CNTNAP5: variants seen among roughly 807,000 people sequenced by gnomAD.
CNTNAP5 encodes the protein contactin associated protein family member 5, also known as contactin-associated protein-like 5.
A neutral mutation model predicts 150.2 loss-of-function variants in CNTNAP5; 72 were observed. The ratio of observed to expected loss-of-function variants is 0.48; its 90% CI spans 0.40 to 0.58. CNTNAP5 has a LOEUF of 0.58. CNTNAP5 is among the 20% of genes least tolerant of loss of function. CNTNAP5 has a pLI of 0.00. For missense variants in CNTNAP5, 1,636 were observed against 1,626.2 expected (o/e 1.01, Z -0.10); for synonymous variants, 672 against 619.8 (o/e 1.08, Z -1.25).
chr2:124,601,343 G>A (rs1399467680), intron 11 of CNTNAP5, among the ~76,000 whole-genome samples: 1 of 152,120 alleles, frequency 6.6e-6, no homozygotes, highest in Admixed American at 6.6e-5. Context: ...ACACTAACGT[G>A]AGCATTTCTC....
At chr2:124,444,295 T>A (rs1309273811) in intron 5 of CNTNAP5, among the ~76,000 whole-genome samples, 12 of 152,064 alleles carry the variant, frequency 7.9e-5, no homozygotes, top group Non-Finnish European at 1.3e-4. Context: ...AAATAACCTT[T>A]CTTAAAAGTA....
chr2:124,370,875 A>G (rs547091729), intron 3 of CNTNAP5, among the ~76,000 whole-genome samples: 2 of 152,284 alleles, frequency 1.3e-5, no homozygotes, highest in East Asian at 3.9e-4. Flanking sequence ...GTGACACAAG[A>G]GTTGTCAGAA....
chr2:124,189,898 C>T (rs1490673178), intron 1 of CNTNAP5, among the ~76,000 whole-genome samples: 4 of 152,168 alleles, frequency 2.6e-5, no homozygotes, highest in Non-Finnish European at 4.4e-5. Context: ...GATGGTACTG[C>T]GGAGCAGAGC....
intron 19 of CNTNAP5, among the ~76,000 whole-genome samples, chr2:124,845,041 T>A (rs1683019838): frequency 6.6e-6 from 1 of 152,160 alleles, no homozygotes; most frequent in Admixed American, 6.6e-5. Flanking sequence ...AAAGTGGGCA[T>A]CCTTGTCTTG....
At chr2:124,352,979 G>GA (rs1023625965) in intron 3 of CNTNAP5, among the ~76,000 whole-genome samples, 1 of 152,138 alleles carries the variant, frequency 6.6e-6, no homozygotes, top group African/African-American at 2.4e-5. Flanking sequence ...CAGAACTAGA[G>GA]AAAGATGCAC....
intron 4 of CNTNAP5, among the ~76,000 whole-genome samples, chr2:124,424,146 A>G (rs1692186633): frequency 6.6e-6 from 1 of 152,174 alleles, no homozygotes; most frequent in Non-Finnish European, 1.5e-5. Context: ...CATCACTCTC[A>G]GAGCTGAAGT....
At position 124,796,743 on chromosome 2, in the gene CNTNAP5, A is replaced by G. The variant is rs1186993985; in HGVS notation, c.2993-1353A>G. On this transcript the variant is annotated intron_variant, in intron 18 of 23. Transcript: ENST00000682447. ...ACTCAATCAGAGACTTTCATGGGGA[A>G]TTTGGAACATTCCATATGCCATTTA... 2.0e-5 allele frequency among the ~76,000 whole-genome samples: 3 copies of G among 152,222 alleles called. 1 individual carries two copies. Among genetic ancestry groups the G allele is most frequent in the South Asian group, 4.1e-4 (2 of 4,826 alleles).
At chr2:124,129,865 G>A (rs1440761562) in intron 1 of CNTNAP5, among the ~76,000 whole-genome samples, 1 of 152,150 alleles carries the variant, frequency 6.6e-6, no homozygotes, top group Non-Finnish European at 1.5e-5. Flanking sequence ...CAGCTGACCT[G>A]TGTTGCATTC....
intron 1 of CNTNAP5, among the ~76,000 whole-genome samples, chr2:124,042,301 A>G (rs569797339): frequency 6.6e-6 from 1 of 152,262 alleles, no homozygotes; most frequent in African/African-American, 2.4e-5. Flanking sequence ...ATTATTTCAC[A>G]CCTTTTCCCA....
At chr2:124,254,744 T>C (rs779995) in intron 3 of CNTNAP5, among the ~76,000 whole-genome samples, 51,019 of 152,058 alleles carry the variant, frequency 0.34, 8,942 homozygotes, top group Admixed American at 0.42. Context: ...AGGAACCATT[T>C]GTCAACATCT....
Position 124,504,491 on chromosome 2 carries a change from TG to T in CNTNAP5, c.1264del (p.Glu422ArgfsTer5). 1 of 1,613,722 alleles carries T rather than the reference TG, an allele frequency of 6.2e-7. No individual in the cohort carries two copies. Among genetic ancestry groups the T allele is most frequent in the Non-Finnish European group, 8.5e-7 (1 of 1,179,758 alleles). ...SEGSGTLLLS[L>X]EGGILRLVIQ... is the part of the protein sequence containing the mutation. ...GGCTCGGGAACCCTGCTGCTGAGCCTGGAGGGTGGAATCCTGAGACTCGTGA... is the reference window on the plus strand; with the variant it reads ...GGCTCGGGAACCCTGCTGCTGAGCCTGAGGGTGGAATCCTGAGACTCGTGA... On this transcript the variant is annotated frameshift_variant, in exon 8 of 24. Transcript: ENST00000682447. LOFTEE classifies it high-confidence loss of function.
At chr2:124,333,245 G>A (rs1451023828) in intron 3 of CNTNAP5, among the ~76,000 whole-genome samples, 1 of 151,806 alleles carries the variant, frequency 6.6e-6, no homozygotes, top group Admixed American at 6.6e-5. Context: ...CTCCAACCTC[G>A]GCAACAAAGC....
chr2:124,882,297 C>G (rs1345907284), intron 21 of CNTNAP5, among the ~76,000 whole-genome samples: 1 of 152,068 alleles, frequency 6.6e-6, no homozygotes, highest in African/African-American at 2.4e-5. Flanking sequence ...CTCACTGAGT[C>G]TCTGCCGGGG....
intron 1 of CNTNAP5, among the ~76,000 whole-genome samples, chr2:124,034,993 C>A (rs1022542937): frequency 3.0e-5 from 3 of 101,098 alleles, no homozygotes; most frequent in Non-Finnish European, 6.5e-5. Flanking sequence ...ACAAGTCCTC[C>A]CTCCCCTCCC....
At chr2:124,384,391 C>T (rs1215623553) in intron 3 of CNTNAP5, among the ~76,000 whole-genome samples, 1 of 152,044 alleles carries the variant, frequency 6.6e-6, no homozygotes. Context: ...TGGAATTTCA[C>T]CTGAGTTTCT....
chr2:124,557,554 G>A (rs1422569033), intron 10 of CNTNAP5, among the ~76,000 whole-genome samples: 3 of 152,080 alleles, frequency 2.0e-5, no homozygotes, highest in Non-Finnish European at 4.4e-5. Flanking sequence ...CCTACTTTGG[G>A]TACGTCAGTG....
chr2:124,192,069 A>G (rs997315344), intron 1 of CNTNAP5, among the ~76,000 whole-genome samples: 2 of 152,012 alleles, frequency 1.3e-5, no homozygotes, highest in Non-Finnish European at 2.9e-5. Flanking sequence ...AATTAACTCT[A>G]TTGCTTAAGT....
chr2:124,547,993 T>C (rs1558948992), intron 10 of CNTNAP5, among the ~76,000 whole-genome samples: 1 of 152,210 alleles, frequency 6.6e-6, no homozygotes, highest in Non-Finnish European at 1.5e-5. Context: ...TTTCCTAAAA[T>C]GGCTTAAACT....
chr2:124,152,423 A>G (rs1281791927), intron 1 of CNTNAP5, among the ~76,000 whole-genome samples: 1 of 152,210 alleles, frequency 6.6e-6, no homozygotes, highest in Non-Finnish European at 1.5e-5. Flanking sequence ...AAGTAGCCCA[A>G]AGCCTGTGAA....
Sources: allele counts gnomAD v4.1 joint callset (sites outside exome capture counted in the v4.1 genomes callset), GRCh38; gene constraint gnomAD v4.1.1; transcripts MANE v1.5; gene names NCBI Gene and HGNC (gene_info 2026-07-23, HGNC 2026-07-21).